Variants in FAM135A observed in about 807,000 individuals in gnomAD.
The protein encoded by FAM135A is protein FAM135A.
A neutral mutation model predicts 146.8 loss-of-function variants in FAM135A; 79 were observed. That is an observed-to-expected ratio of 0.54 (90% CI 0.45 to 0.65). FAM135A has a LOEUF of 0.65. Ranked by LOEUF, FAM135A falls within the 30% of genes least tolerant of loss-of-function variation. The pLI is 0.00. For missense variants in FAM135A, 1,623 were observed against 1,758.2 expected (o/e 0.92, Z 1.38); for synonymous variants, 562 against 603.6 (o/e 0.93, Z 1.01).
At chr6:70,511,348 G>A (rs1790961119) in intron 12 of FAM135A, among the ~76,000 whole-genome samples, 1 of 151,794 alleles carries the variant, frequency 6.6e-6, no homozygotes, top group Non-Finnish European at 1.5e-5. Context: ...AATATATTCA[G>A]CAGTTATCGT....
intron 20 of FAM135A, among the ~76,000 whole-genome samples, chr6:70,540,247 T>G (rs1411087279): frequency 6.6e-6 from 1 of 151,922 alleles, no homozygotes; most frequent in African/African-American, 2.4e-5. Context: ...TCTGTTACTG[T>G]GATGTCTTAT....
intron 11 of FAM135A, among the ~76,000 whole-genome samples, chr6:70,492,613 A>G (rs1212523766): frequency 6.6e-6 from 1 of 151,506 alleles, no homozygotes; most frequent in African/African-American, 2.4e-5. Context: ...TGCTCACAAT[A>G]TATAACATGC....
At chr6:70,457,411 G>C (rs1301781509) in intron 5 of FAM135A, among the ~76,000 whole-genome samples, 2 of 152,210 alleles carry the variant, frequency 1.3e-5, no homozygotes, top group Non-Finnish European at 2.9e-5. Flanking sequence ...CCTAATCTGT[G>C]CATTAACAAT....
chr6:70,507,729 A>G (rs1213196630), intron 12 of FAM135A, among the ~76,000 whole-genome samples: 1 of 152,122 alleles, frequency 6.6e-6, no homozygotes, highest in African/African-American at 2.4e-5. Flanking sequence ...ATGCTACATC[A>G]TAGAGACTAT....
chr6:70,552,597 T>C (rs549390776), intron 20 of FAM135A, among the ~76,000 whole-genome samples: 2 of 151,218 alleles, frequency 1.3e-5, no homozygotes, highest in Non-Finnish European at 2.9e-5. Context: ...GCCTACCAAG[T>C]AACTGGGATT....
At chr6:70,496,572 T>C (rs112126823) in intron 11 of FAM135A, among the ~76,000 whole-genome samples, 19,805 of 152,204 alleles carry the variant, frequency 0.13, 1,534 homozygotes, top group Middle Eastern at 0.19. Flanking sequence ...ATGAAGTCTT[T>C]GCCCATCATG....
At chr6:70,463,873 T>G (rs1779881491) in intron 5 of FAM135A, among the ~76,000 whole-genome samples, 1 of 152,214 alleles carries the variant, frequency 6.6e-6, no homozygotes, top group South Asian at 2.1e-4. Context: ...TTCAACAGCT[T>G]CTATCATTGC....
At chr6:70,477,373 C>G in intron 8 of FAM135A, 41 bp downstream of exon 8, 2 of 1,589,114 alleles carry the variant, frequency 1.3e-6, no homozygotes, top group Non-Finnish European at 8.6e-7. Context: ...CATTCTTACA[C>G]TGCAATAAAG....
chr6:70,556,675 A>G (rs934428330), intron 20 of FAM135A, 75 bp from the exon 21 acceptor site: 2 of 928,748 alleles, frequency 2.2e-6, no homozygotes, highest in African/African-American at 3.4e-5. Flanking sequence ...TTTTTTGGTC[A>G]CTTAATATGA....
At position 70,522,461 on chromosome 6, in the gene FAM135A, T is replaced by C. The variant is rs374755464; in HGVS notation, c.1030-52T>C. The stretch of plus-strand genomic sequence containing the variant: ...TCTCTCCTTACCATAAGATGCCGGA[T>C]TGACTTTTTAAATACGTCATGTTAT... On this transcript the variant is annotated intron_variant, in intron 12 of 21. Transcript: ENST00000418814. The C allele has an allele frequency of 9.2e-6, 14 of 1,526,764 alleles. No homozygotes were observed. The African/African-American group carries it at 1.9e-4, about 21-fold the overall frequency. 94.6% of individuals were successfully genotyped at this position (1,526,764 alleles called of 1,614,324 possible).
At chr6:70,502,572 T>C in intron 11 of FAM135A, 64 bp from the exon 12 acceptor site, 1 of 1,506,798 alleles carries the variant, frequency 6.6e-7, no homozygotes, top group East Asian at 2.3e-5. Context: ...CTCAATAACA[T>C]TATATTTAAG....
chr6:70,445,155 C>T (rs1354415697), intron 4 of FAM135A, among the ~76,000 whole-genome samples: 3 of 152,304 alleles, frequency 2.0e-5, no homozygotes, highest in South Asian at 2.1e-4. Context: ...GGTAAAACTA[C>T]AGCCTTTGGA....
At position 70,429,842 on chromosome 6, in the gene FAM135A, T is replaced by G. The variant is rs76851905; in HGVS notation, c.77+1423T>G. Among the ~76,000 whole-genome samples the G allele has an allele frequency of 3.0e-3, 457 of 151,802 alleles. 3 individuals carry two copies. Among genetic ancestry groups the G allele is most frequent in the African/African-American group, 0.01 (435 of 41,458 alleles). ...GTAACTCAAGATATAAATCTGGAGA[T>G]CTATACAAAGAGTGGTGGCAGTGGG... On this transcript the variant is annotated intron_variant, in intron 4 of 21. Coordinates refer to ENST00000418814, the MANE Select transcript of FAM135A (RefSeq NM_001162529.3).
At chr6:70,462,290 G>A (rs1234031191) in intron 5 of FAM135A, among the ~76,000 whole-genome samples, 5 of 152,186 alleles carry the variant, frequency 3.3e-5, no homozygotes, top group African/African-American at 1.2e-4. Context: ...TGACATTGAC[G>A]GCCAAGCACA....
At chr6:70,550,625 T>C (rs1479165656) in intron 20 of FAM135A, among the ~76,000 whole-genome samples, 9 of 152,238 alleles carry the variant, frequency 5.9e-5, no homozygotes, top group Non-Finnish European at 1.2e-4. Context: ...GTTCCATTAA[T>C]AGAGCACAGA....
At chr6:70,426,052 G>A (rs1472257576) in intron 2 of FAM135A, among the ~76,000 whole-genome samples, 2 of 151,230 alleles carry the variant, frequency 1.3e-5, no homozygotes, top group South Asian at 4.1e-4. Context: ...GCAGTGAGCC[G>A]AGATTGCGCC....
intron 20 of FAM135A, among the ~76,000 whole-genome samples, chr6:70,549,732 G>GAGGTGGCTA (rs1318969357): frequency 1.3e-5 from 2 of 152,146 alleles, no homozygotes; most frequent in Non-Finnish European, 2.9e-5. Flanking sequence ...GCTGAAGATA[G>GAGGTGGCTA]AGGTGGCTAT....
At chr6:70,558,919 G>T (rs967484965) in intron 21 of FAM135A, among the ~76,000 whole-genome samples, 1 of 152,170 alleles carries the variant, frequency 6.6e-6, no homozygotes, top group South Asian at 2.1e-4. Flanking sequence ...CCAAGCTCAC[G>T]TTGTTCATCT....
At chr6:70,494,044 ACT>A (rs1175286966) in intron 11 of FAM135A, among the ~76,000 whole-genome samples, 1 of 126,604 alleles carries the variant, frequency 7.9e-6, no homozygotes, top group African/African-American at 3.2e-5. Context: ...ACAGAGTGAG[ACT>A]CTGTCTCAAA....
Sources: allele counts gnomAD v4.1 joint callset (sites outside exome capture counted in the v4.1 genomes callset), GRCh38; gene constraint gnomAD v4.1.1; transcripts MANE v1.5; gene names NCBI Gene and HGNC (gene_info 2026-07-23, HGNC 2026-07-21).